Variants in LARGE1 observed in about 807,000 individuals in gnomAD.
LARGE1 encodes the protein LARGE xylosyl- and glucuronyltransferase 1.
Under a neutral mutation model 87.6 loss-of-function variants are expected in LARGE1, and 43 were observed. That is an observed-to-expected ratio of 0.49 (90% CI 0.38 to 0.63). The LOEUF (loss-of-function observed/expected upper bound fraction) is 0.63. Among genes scored for constraint, LARGE1 ranks in the 30% least tolerant of loss-of-function variants. LARGE1 has a pLI of 0.00. For missense variants in LARGE1, 802 were observed against 1,000.2 expected (o/e 0.80, Z 2.67); for synonymous variants, 434 against 394.6 (o/e 1.10, Z -1.18).
chr22:33,630,582 AAATAT>A (rs942659411), intron 3 of LARGE1, among the ~76,000 whole-genome samples: 21 of 152,168 alleles, frequency 1.4e-4, no homozygotes, highest in African/African-American at 4.8e-4. Context: ...AGTACAGTAA[AAATAT>A]AATATAAGAG....
chr22:33,471,385 C>T (rs1024494682), intron 6 of LARGE1, among the ~76,000 whole-genome samples: 1 of 151,962 alleles, frequency 6.6e-6, no homozygotes, highest in African/African-American at 2.4e-5. Flanking sequence ...CTGGAAAGCC[C>T]CGAACAACCC....
chr22:33,607,812 G>T (rs943297461), intron 4 of LARGE1, among the ~76,000 whole-genome samples: 1 of 152,138 alleles, frequency 6.6e-6, no homozygotes, highest in African/African-American at 2.4e-5. Flanking sequence ...CTGAATAAAC[G>T]AATCAAAAAG....
At chr22:33,499,014 T>C (rs936528393) in intron 6 of LARGE1, among the ~76,000 whole-genome samples, 1 of 151,808 alleles carries the variant, frequency 6.6e-6, no homozygotes, top group Non-Finnish European at 1.5e-5. Flanking sequence ...TAAAAAAAAA[T>C]TGAAATAAAA....
intron 2 of LARGE1, among the ~76,000 whole-genome samples, chr22:33,728,544 CT>C (rs1176009916): frequency 1.7e-5 from 2 of 120,854 alleles, no homozygotes; most frequent in African/African-American, 5.9e-5. Flanking sequence ...GTCTCCACCC[CT>C]ACCACCAAAA....
the LARGE1 span, among the ~76,000 whole-genome samples, chr22:33,150,311 T>C: frequency 6.6e-6 from 1 of 152,138 alleles, no homozygotes; most frequent in Admixed American, 6.5e-5. Context: ...AATTTGAGAC[T>C]GATCTCCCAT....
intron 10 of LARGE1, chr22:33,322,386 C>T (rs534960028): frequency 6.6e-6 from 1 of 152,258 alleles, no homozygotes; most frequent in Non-Finnish European, 1.5e-5. Flanking sequence ...TAATTAATTC[C>T]CTGCATTTTT....
intron 7 of LARGE1, among the ~76,000 whole-genome samples, chr22:33,411,045 T>C (rs1490163670): frequency 1.3e-5 from 2 of 152,230 alleles, no homozygotes; most frequent in Non-Finnish European, 1.5e-5. Flanking sequence ...TCCTTCCTTC[T>C]TTCCCTTCTA....
intron 7 of LARGE1, among the ~76,000 whole-genome samples, chr22:33,429,111 T>C (rs573304843): frequency 2.6e-5 from 4 of 152,010 alleles, no homozygotes; most frequent in African/African-American, 9.6e-5. Context: ...AGATATTCTT[T>C]TTGGAGGCTT....
intron 11 of LARGE1, among the ~76,000 whole-genome samples, chr22:33,311,144 T>C (rs1226449334): frequency 3.9e-5 from 6 of 152,086 alleles, no homozygotes. Flanking sequence ...GTATTTTTAG[T>C]AGAGATGGGG....
chr22:33,843,469 A>AAATAAATAAATAAATG (rs144582587), intron 1 of LARGE1, among the ~76,000 whole-genome samples: 1 of 150,424 alleles, frequency 6.6e-6, no homozygotes. Context: ...ATAAATAAAT[A>AAATAAATAAATAAATG]AAAATAAAAA....
intron 6 of LARGE1, among the ~76,000 whole-genome samples, chr22:33,437,174 TCCG>T (rs2147782447): frequency 6.6e-6 from 1 of 152,292 alleles, no homozygotes; most frequent in Non-Finnish European, 1.5e-5. Context: ...GTTTGGAAGC[TCCG>T]TTACTGCTTT....
chr22:33,503,482 G>C (rs976788648), intron 6 of LARGE1, among the ~76,000 whole-genome samples: 3 of 152,016 alleles, frequency 2.0e-5, no homozygotes, highest in Admixed American at 6.5e-5. Context: ...TGTACCAGGA[G>C]AATGAAAACA....
chr22:33,897,642 C>T (rs1241133973), intron 1 of LARGE1, among the ~76,000 whole-genome samples: 1 of 152,184 alleles, frequency 6.6e-6, no homozygotes, highest in Non-Finnish European at 1.5e-5. Flanking sequence ...AAATGTGGCG[C>T]TTTATTACGA....
rs760870770 is a variant in LARGE1 at position 33,837,090 on chromosome 22, G to C, written c.-82-75532C>G. 5.9e-5 allele frequency among the ~76,000 whole-genome samples: 9 copies of C among 152,250 alleles called. No individual in the cohort carries two copies. The South Asian group carries it at 1.0e-3, about 18-fold the overall frequency. On this transcript the variant is annotated intron_variant, in intron 1 of 14. Coordinates refer to ENST00000397394, the MANE Select transcript of LARGE1 (RefSeq NM_133642.5). Reference sequence around the variant, plus strand: ...GCTTCGCCTCCAGCTAACTCTATAAGATCTGGCCCTGCTTTCTCCAGCCTC... The same window carrying C: ...GCTTCGCCTCCAGCTAACTCTATAACATCTGGCCCTGCTTTCTCCAGCCTC...
intron 5 of LARGE1, among the ~76,000 whole-genome samples, chr22:33,573,526 T>C (rs1293851883): frequency 6.6e-6 from 1 of 152,204 alleles, no homozygotes; most frequent in Non-Finnish European, 1.5e-5. Context: ...TGAGATCATT[T>C]AATGAGACAT....
At chr22:33,196,418 T>G (rs1315436943) in intron 11 of LARGE1, among the ~76,000 whole-genome samples, 1 of 152,114 alleles carries the variant, frequency 6.6e-6, no homozygotes, top group Non-Finnish European at 1.5e-5. Flanking sequence ...GGAAATGTAT[T>G]TTTAAAAGCA....
intron 1 of LARGE1, among the ~76,000 whole-genome samples, chr22:33,909,902 C>CA (rs2065578412): frequency 2.6e-5 from 4 of 152,070 alleles, no homozygotes; most frequent in South Asian, 2.1e-4. Flanking sequence ...CTCTCCAACC[C>CA]AAAAAATATA....
the LARGE1 span, among the ~76,000 whole-genome samples, chr22:33,137,864 C>A: frequency 2.6e-5 from 4 of 152,196 alleles, no homozygotes; most frequent in African/African-American, 9.7e-5. Flanking sequence ...ATGGAAACCC[C>A]TGGATGCCCA....
chr22:33,885,934 G>A (rs1361483060), intron 1 of LARGE1, among the ~76,000 whole-genome samples: 1 of 152,292 alleles, frequency 6.6e-6, no homozygotes, highest in African/African-American at 2.4e-5. Flanking sequence ...GGAGGCTAGG[G>A]TATGAGAATT....
Sources: gnomAD v4.1 joint callset for allele counts (sites outside exome capture counted in the v4.1 genomes callset) on GRCh38, gnomAD v4.1.1 for gene constraint, MANE v1.5 for transcripts, NCBI Gene and HGNC (gene_info 2026-07-23, HGNC 2026-07-21) for gene names.